Variants in ADCY1 observed in about 807,000 individuals in gnomAD.
ADCY1 encodes adenylate cyclase type 1.
ADCY1 carries 28 observed loss-of-function variants against 105.4 expected under a neutral mutation model. The ratio of observed to expected loss-of-function variants is 0.27; its 90% CI spans 0.20 to 0.36. The LOEUF is 0.36. Ranked by LOEUF, ADCY1 falls within the 10% of genes least tolerant of loss-of-function variation. The probability of loss-of-function intolerance (pLI) is 1.00; values close to 1 mark genes in which losing one functional copy is unlikely to be tolerated. For missense variants in ADCY1, 977 were observed against 1,434.2 expected, an observed-to-expected ratio of 0.68 and a Z score of 5.15; for synonymous variants, 655 against 623.8, an observed-to-expected ratio of 1.05 and a Z score of -0.75.
At chr7:45,610,819 TGGAGGTGATAG>T (rs1793541019) in intron 3 of ADCY1, among the ~76,000 whole-genome samples, 1 of 16,600 alleles carries the variant, frequency 6.0e-5, no homozygotes, top group African/African-American at 2.4e-4. Context: ...GGTGGAGGTA[TGGAGGTGATAG>T]TGGAGGTGTG....
rs1281087927 is a variant in ADCY1 at position 45,714,307 on chromosome 7, G to A, written c.*312G>A. On this transcript the variant is annotated 3_prime_UTR_variant, in exon 20 of 20. Coordinates refer to ENST00000297323, the MANE Select transcript of ADCY1 (RefSeq NM_021116.4). ...TGTTTCTTTCCAGCAAGCCTGTTCAGGTTTGGCCAGGTCGGCATCAATGTA... is the reference window on the plus strand; with the variant it reads ...TGTTTCTTTCCAGCAAGCCTGTTCAAGTTTGGCCAGGTCGGCATCAATGTA... The A allele has an allele frequency of 2.5e-6, 1 of 395,284 alleles. No homozygotes were observed. The highest frequency in any genetic ancestry group is 4.6e-6 in the Non-Finnish European group (1 of 217,642). 24.5% of individuals were successfully genotyped at this position (395,284 alleles called of 1,614,324 possible). A position where few individuals can be genotyped will look rare whatever the true frequency, so the allele number is the denominator to read the frequency against.
At chr7:45,636,360 G>T (rs962145373) in intron 4 of ADCY1, among the ~76,000 whole-genome samples, 2 of 152,120 alleles carry the variant, frequency 1.3e-5, no homozygotes, top group Non-Finnish European at 2.9e-5. Flanking sequence ...GTAAATAGTT[G>T]TTATGCTGTA....
rs557236142 is a variant in ADCY1 at position 45,643,745 on chromosome 7, C to CGTGCGTGTA, written c.1021-4922_1021-4914dup. Reference sequence around the variant, plus strand: ...CCCCTCCCTTGCTCACTGTTCCTCCCGTGCGTGTAGTTAGATGTTTGTGCT... The same window carrying CGTGCGTGTA: ...CCCCTCCCTTGCTCACTGTTCCTCCCGTGCGTGTAGTGCGTGTAGTTAGATGTTTGTGCT... On this transcript the variant is annotated intron_variant, in intron 4 of 19. Transcript: ENST00000297323. Among the ~76,000 whole-genome samples, 265 of 152,226 alleles carry CGTGCGTGTA rather than the reference C, an allele frequency of 1.7e-3. 2 individuals are homozygous for CGTGCGTGTA. The highest frequency in any genetic ancestry group is 6.3e-3 in the African/African-American group (260 of 41,536).
chr7:45,704,233 C>T (rs551929389), intron 16 of ADCY1, among the ~76,000 whole-genome samples: 37 of 152,272 alleles, frequency 2.4e-4, no homozygotes, highest in Middle Eastern at 6.8e-3. Context: ...CCCCCCACCC[C>T]GACAGCCAGC....
chr7:45,687,253 G>T (rs1784701808), intron 14 of ADCY1, among the ~76,000 whole-genome samples: 1 of 152,184 alleles, frequency 6.6e-6, no homozygotes, highest in African/African-American at 2.4e-5. Flanking sequence ...TGGGTACCAG[G>T]CTGGAGAGGA....
rs77565381 is a variant in ADCY1 at position 45,662,014 on chromosome 7, G to T, written c.1450-45G>T. On this transcript the variant is annotated intron_variant, in intron 7 of 19. Coordinates refer to ENST00000297323, the MANE Select transcript of ADCY1 (RefSeq NM_021116.4). ...ATTCCCAGTCCGAGAGGCACAATGT[G>T]TCTCATTCACAGCATTTCTCCTTGC... 36,006 of 1,591,754 alleles carry T rather than the reference G, an allele frequency of 0.023. 696 individuals are homozygous for T. The highest frequency in any genetic ancestry group is 0.084 in the South Asian group (7,363 of 87,430).
rs890384874 is a variant in ADCY1, at chr7:45,647,983, A to G, written c.1021-687A>G. ...CCCTGAAATAAACACAACAGTCGTGATGATAATCCCAGTTGACACTGATTG... is the reference window on the plus strand; with the variant it reads ...CCCTGAAATAAACACAACAGTCGTGGTGATAATCCCAGTTGACACTGATTG... On this transcript the variant is annotated intron_variant, in intron 4 of 19. Coordinates refer to ENST00000297323, the MANE Select transcript of ADCY1 (RefSeq NM_021116.4). The surrounding 1 kb of genome is among the most constrained non-coding windows in gnomAD (Gnocchi z 4.6). 3.3e-5 allele frequency among the ~76,000 whole-genome samples: 5 copies of G among 152,242 alleles called. No homozygotes were observed. The highest frequency in any genetic ancestry group is 1.2e-4 in the African/African-American group (5 of 41,466).
At chr7:45,657,192 G>T (rs1794965093) in intron 5 of ADCY1, among the ~76,000 whole-genome samples, 1 of 152,232 alleles carries the variant, frequency 6.6e-6, no homozygotes, top group African/African-American at 2.4e-5. Flanking sequence ...CCATAAGTTT[G>T]CATTGAGGCC....
At chr7:45,659,806 C>G (rs1795044702) in intron 6 of ADCY1, among the ~76,000 whole-genome samples, 1 of 152,210 alleles carries the variant, frequency 6.6e-6, no homozygotes, top group African/African-American at 2.4e-5. Flanking sequence ...CCCTGTGTCC[C>G]CCACCTCAGC....
At chr7:45,610,627 G>A (rs1288094783) in intron 3 of ADCY1, 130 bp downstream of exon 3, 3 of 788,290 alleles carry the variant, frequency 3.8e-6, no homozygotes, top group Admixed American at 4.3e-5. Flanking sequence ...ATGGGGGTGT[G>A]GAGGTAATGG....
rs1785054981 is a variant in ADCY1, at chr7:45,703,956, G to T, written c.2718+210G>T. ...TCTTGACTCTAGGTTGGGGGACCAG[G>T]GCCACTGGGTGGGGCTGGGTGTTTG... On this transcript the variant is annotated intron_variant, in intron 16 of 19. Transcript: ENST00000297323. The surrounding 1 kb of genome is among the most constrained non-coding windows in gnomAD (Gnocchi z 5.9). Among the ~76,000 whole-genome samples the T allele has an allele frequency of 6.6e-6, 1 of 152,220 alleles. No individual in the cohort carries two copies. Among genetic ancestry groups the T allele is most frequent in the South Asian group, 2.1e-4 (1 of 4,826 alleles).
At chr7:45,607,017 T>TA (rs1793393497) in intron 2 of ADCY1, among the ~76,000 whole-genome samples, 1 of 152,072 alleles carries the variant, frequency 6.6e-6, no homozygotes, top group Admixed American at 6.5e-5. Flanking sequence ...TTTTTTTTTT[T>TA]AATCAGAAAT....
intron 2 of ADCY1, 97 bp downstream of exon 2, chr7:45,593,005 C>A: frequency 6.7e-7 from 1 of 1,496,970 alleles, no homozygotes. Flanking sequence ...CCCGTGGTGA[C>A]ATGGGCCACA....
intron 4 of ADCY1, among the ~76,000 whole-genome samples, chr7:45,630,474 A>G (rs919808815): frequency 6.6e-6 from 1 of 152,188 alleles, no homozygotes; most frequent in African/African-American, 2.4e-5. Context: ...GCCAAAATCC[A>G]GATATTTGCA....
chr7:45,592,727 G>A (rs754646603), intron 1 of ADCY1, 32 bp from the exon 2 acceptor site: 3 of 1,613,276 alleles, frequency 1.9e-6, no homozygotes, highest in Non-Finnish European at 2.5e-6. Context: ...GGGATGTCAG[G>A]CTCCACATGT....
At chr7:45,574,278 C>A (rs890563628), upstream of ADCY1, 13 of 360,766 alleles carry the variant, frequency 3.6e-5, no homozygotes, top group Admixed American at 2.0e-4. This position sits in a 1 kb window ranked among gnomAD's most constrained non-coding sequence, Gnocchi z 7.0. Flanking sequence ...TCGCGGCTCC[C>A]GGGGCTCGGC....
chr7:45,637,162 A>G (rs946356161), intron 4 of ADCY1, among the ~76,000 whole-genome samples: 5 of 152,224 alleles, frequency 3.3e-5, no homozygotes, highest in African/African-American at 7.2e-5. Flanking sequence ...TTAGCAGTCT[A>G]CCATCACATG....
intron 4 of ADCY1, among the ~76,000 whole-genome samples, chr7:45,634,236 G>A (rs1353916402): frequency 6.6e-6 from 1 of 151,928 alleles, no homozygotes; most frequent in African/African-American, 2.4e-5. Flanking sequence ...GTGTTTTCTT[G>A]CCTTCTTTTA....
chr7:45,646,356 T>C (rs1794663914), intron 4 of ADCY1, among the ~76,000 whole-genome samples: 1 of 152,170 alleles, frequency 6.6e-6, no homozygotes, highest in South Asian at 2.1e-4. Context: ...AGCTGGGCCC[T>C]GAGGGGCTGG....
Sources: gnomAD v4.1 joint callset for allele counts (sites outside exome capture counted in the v4.1 genomes callset) on GRCh38, gnomAD v4.1.1 for gene constraint, Gnocchi (gnomAD v3.1) non-coding constraint, MANE v1.5 for transcripts, NCBI Gene and HGNC (gene_info 2026-07-23, HGNC 2026-07-21) for gene names.